CBR4: variants seen among roughly 807,000 people sequenced by gnomAD.
CBR4 encodes the protein 3-oxoacyl-[acyl-carrier-protein] reductase.
A neutral mutation model predicts 21.0 loss-of-function variants in CBR4; 22 were observed. That is an observed-to-expected ratio of 1.05 (90% confidence interval 0.75 to 1.50). The LOEUF is 1.50. CBR4 is among the 40% of genes most tolerant of loss of function. CBR4 has a pLI of 0.00. For missense variants in CBR4, 302 were observed against 286.3 expected (o/e 1.05, Z -0.40); for synonymous variants, 100 against 104.4 (o/e 0.96, Z 0.26).
downstream of CBR4, among the ~76,000 whole-genome samples, chr4:168,982,880 G>A (rs1414841634): frequency 6.6e-6 from 1 of 152,146 alleles, no homozygotes; most frequent in Non-Finnish European, 1.5e-5. Flanking sequence ...TTAAAACAAA[G>A]ATGCAACATA....
At chr4:168,919,316 G>A (rs988639701) in intron 2 of CBR4, among the ~76,000 whole-genome samples, 12 of 152,120 alleles carry the variant, frequency 7.9e-5, no homozygotes, top group African/African-American at 2.9e-4. Context: ...CTGAGGTCAG[G>A]AATCCGAGAC....
intron 2 of CBR4, among the ~76,000 whole-genome samples, chr4:168,951,384 A>T (rs1763536814): frequency 6.6e-6 from 1 of 152,176 alleles, no homozygotes; most frequent in Non-Finnish European, 1.5e-5. Flanking sequence ...TGGATCATTT[A>T]GGCTATTTAT....
intron 2 of CBR4, among the ~76,000 whole-genome samples, chr4:168,973,602 A>T (rs1764279898): frequency 6.6e-6 from 1 of 152,240 alleles, no homozygotes; most frequent in Non-Finnish European, 1.5e-5. Flanking sequence ...TGCTGGGATT[A>T]CAGGCGTGAG....
chr4:168,970,317 C>T (rs1299210758), intron 2 of CBR4, among the ~76,000 whole-genome samples: 2 of 152,058 alleles, frequency 1.3e-5, no homozygotes, highest in Admixed American at 6.6e-5. Context: ...ATATTCACTT[C>T]CATATGTTCT....
intron 2 of CBR4, among the ~76,000 whole-genome samples, chr4:168,930,261 A>G (rs1762935277): frequency 6.6e-6 from 1 of 152,178 alleles, no homozygotes; most frequent in African/African-American, 2.4e-5. Flanking sequence ...GAAGGGATCC[A>G]GAAGATTTAC....
At chr4:168,924,537 T>C in intron 2 of CBR4, 1 of 1,052,290 alleles carries the variant, frequency 9.5e-7, no homozygotes. Flanking sequence ...TGTTTTGATT[T>C]TTGATGAAAT....
chr4:169,002,180 G>A lies in CBR4; in HGVS notation c.426C>T (p.Asn142=). 7.0e-7 allele frequency: 1 copy of A among 1,421,428 alleles called. No individual in the cohort carries two copies. Among genetic ancestry groups the A allele is most frequent in the Non-Finnish European group, 9.3e-7 (1 of 1,077,868 alleles). 88.1% of individuals were successfully genotyped at this position (1,421,428 alleles called of 1,614,324 possible). ...TGGCACTGTAAACGGACTGGCCAGA[G>A]TTGCCTTTTAAGCCAACAATGCTTC... ...NVGSIVGLKG[N]SGQSVYSASK... is the part of the protein sequence containing the mutation. The change falls in exon 4 of 5, where the codon AAC becomes AAT. Residue 142 remains asparagine, a synonymous_variant. Transcript: ENST00000306193.
chr4:169,003,374 A>C (rs1730627909), intron 3 of CBR4, among the ~76,000 whole-genome samples: 1 of 152,200 alleles, frequency 6.6e-6, no homozygotes, highest in Admixed American at 6.5e-5. Context: ...TGAAGATGTG[A>C]CTGAATTGCT....
intron 2 of CBR4, among the ~76,000 whole-genome samples, chr4:168,922,716 GTT>G (rs1761824272): frequency 6.6e-6 from 1 of 152,206 alleles, no homozygotes; most frequent in South Asian, 2.1e-4. Context: ...ATGCTTTCAA[GTT>G]TTGTACAAAG....
chr4:168,920,609 CACA>C (rs1264712310), intron 2 of CBR4, among the ~76,000 whole-genome samples: 3 of 152,260 alleles, frequency 2.0e-5, no homozygotes, highest in South Asian at 2.1e-4. Flanking sequence ...CCCTTTGCGG[CACA>C]ACATGTTATT....
chr4:168,911,533 C>A (rs1453056467), intron 2 of CBR4, among the ~76,000 whole-genome samples: 3 of 152,146 alleles, frequency 2.0e-5, no homozygotes, highest in African/African-American at 4.8e-5. Flanking sequence ...CAAAAAGAAT[C>A]ATTAATTTTA....
intron 2 of CBR4, among the ~76,000 whole-genome samples, chr4:168,949,106 T>C (rs2126697479): frequency 6.6e-6 from 1 of 152,172 alleles, no homozygotes; most frequent in South Asian, 2.1e-4. Context: ...TACTCCAGAG[T>C]ATTTAAATTT....
At chr4:168,947,346 T>C (rs893942337) in intron 2 of CBR4, among the ~76,000 whole-genome samples, 41 of 152,260 alleles carry the variant, frequency 2.7e-4, no homozygotes, top group Middle Eastern at 3.4e-3. Context: ...TGATTACTCA[T>C]GGTGCAATTC....
chr4:168,929,441 C>CTT (rs568848492), intron 2 of CBR4, among the ~76,000 whole-genome samples: 50 of 152,312 alleles, frequency 3.3e-4, no homozygotes, highest in Non-Finnish European at 5.3e-4. Context: ...TACCCCATGA[C>CTT]TTGCTATGTA....
chr4:168,969,007 T>G (rs1263652417), intron 2 of CBR4, among the ~76,000 whole-genome samples: 1 of 152,212 alleles, frequency 6.6e-6, no homozygotes, highest in Admixed American at 6.5e-5. Context: ...AAAACAGATT[T>G]GGGCCAGCAC....
At chr4:168,978,431 G>T (rs1426678511) in intron 2 of CBR4, among the ~76,000 whole-genome samples, 1 of 152,138 alleles carries the variant, frequency 6.6e-6, no homozygotes, top group Non-Finnish European at 1.5e-5. Flanking sequence ...AGGACATGTT[G>T]GGATTCATAA....
chr4:168,994,036 A>G (rs1441131885), intron 4 of CBR4, among the ~76,000 whole-genome samples: 1 of 152,210 alleles, frequency 6.6e-6, no homozygotes, highest in African/African-American at 2.4e-5. Context: ...TTAAAGACAC[A>G]CACAGAAATA....
intron 2 of CBR4, among the ~76,000 whole-genome samples, chr4:168,980,189 G>C (rs541293198): frequency 6.6e-6 from 1 of 151,974 alleles, no homozygotes; most frequent in African/African-American, 2.4e-5. Flanking sequence ...GCAGTGCCAA[G>C]CCTGGGAGTA....
chr4:168,976,255 G>A (rs1407941052), intron 2 of CBR4, among the ~76,000 whole-genome samples: 4 of 152,246 alleles, frequency 2.6e-5, no homozygotes, highest in South Asian at 2.1e-4. Flanking sequence ...GTGAGGTAAC[G>A]CCAGGAATAG....
Sources: gnomAD v4.1 joint callset for allele counts (sites outside exome capture counted in the v4.1 genomes callset) on GRCh38, gnomAD v4.1.1 for gene constraint, MANE v1.5 for transcripts, NCBI Gene and HGNC (gene_info 2026-07-23, HGNC 2026-07-21) for gene names.